The following CUX2 variants were observed in gnomAD, a reference collection of about 807,000 sequenced individuals.
CUX2 encodes the protein homeobox protein cut-like 2.
In CUX2, 40 loss-of-function variants were observed where a neutral mutation model predicts 144.8. That is an observed-to-expected ratio of 0.28 (90% CI 0.21 to 0.36). The LOEUF (loss-of-function observed/expected upper bound fraction) is 0.36. CUX2 is among the 10% of genes least tolerant of loss of function. The probability of loss-of-function intolerance (pLI) is 1.00; values close to 1 mark genes in which losing one functional copy is unlikely to be tolerated. For synonymous variants in CUX2, 827 were observed against 875.6 expected (o/e 0.94, Z 0.98); for missense variants, 1,615 against 1,994.0 (o/e 0.81, Z 3.62).
rs147389725 is a variant in CUX2, at chr12:111,322,321, CAAAAAAAAAAA to C, written c.2767-87_2767-77del. The C allele has an allele frequency of 1.3e-5, 10 of 758,272 alleles. No homozygotes were observed. The highest frequency in any genetic ancestry group is 1.8e-5 in the Non-Finnish European group (10 of 549,996). The allele number at this position is 758,272 out of a possible 1,614,324, so 47.0% of individuals were successfully genotyped here. On this transcript the variant is annotated intron_variant, in intron 17 of 21. Transcript: ENST00000261726. The surrounding 1 kb of genome is among the most constrained non-coding windows in gnomAD (Gnocchi z 4.2). Reference sequence around the variant, plus strand: ...CGACAGACAAAGCGAGACTCTGCCTCAAAAAAAAAAAAAAAAAAAAAAAGGTTGGGGAGGAG... The same window carrying C: ...CGACAGACAAAGCGAGACTCTGCCTCAAAAAAAAAAAAGGTTGGGGAGGAG...
At chr12:111,221,219 A>T (rs1881838837) in intron 3 of CUX2, among the ~76,000 whole-genome samples, 1 of 152,146 alleles carries the variant, frequency 6.6e-6, no homozygotes, top group Non-Finnish European at 1.5e-5. Context: ...ATTTGTCTGG[A>T]ATTTTATTCC....
chr12:111,173,314 G>C (rs535597895), intron 1 of CUX2, among the ~76,000 whole-genome samples: 45 of 152,218 alleles, frequency 3.0e-4, no homozygotes, highest in Admixed American at 7.9e-4. Context: ...AAATGGGGAC[G>C]GGGACAGGGT....
chr12:111,252,016 C>T (rs1052751816), intron 3 of CUX2, among the ~76,000 whole-genome samples: 4 of 151,920 alleles, frequency 2.6e-5, no homozygotes, highest in Non-Finnish European at 5.9e-5. Context: ...CCCACCTCTA[C>T]AAAAAAAGAA....
chr12:111,328,994 C>CCT (rs1555217423), intron 18 of CUX2, among the ~76,000 whole-genome samples: 1 of 79,270 alleles, frequency 1.3e-5, no homozygotes, highest in African/African-American at 6.3e-5. Context: ...TCCCTCTCTC[C>CCT]CTCTCCCTCT....
intron 1 of CUX2, among the ~76,000 whole-genome samples, chr12:111,198,104 G>A (rs1183853751): frequency 6.6e-6 from 1 of 152,074 alleles, no homozygotes; most frequent in Non-Finnish European, 1.5e-5. Flanking sequence ...ATATTCTTTA[G>A]TTATCAAAAT....
chr12:111,073,953 C>G (rs867153642), intron 1 of CUX2, among the ~76,000 whole-genome samples: 2 of 151,664 alleles, frequency 1.3e-5, no homozygotes, highest in Non-Finnish European at 2.9e-5. Flanking sequence ...GATACCTCAT[C>G]TCAGAGAAAA....
rs1228656616 is a variant in CUX2 at position 111,287,509 on chromosome 12, A to G, written c.302-3909A>G. ...GTAAATTAATTTGTTCGTGTTGTAC[A>G]AAGGCAGTGCAGATGGACTCATTAG... On this transcript the variant is annotated intron_variant, in intron 4 of 21. Coordinates refer to ENST00000261726, the MANE Select transcript of CUX2 (RefSeq NM_015267.4). The surrounding 1 kb of genome is among the most constrained non-coding windows in gnomAD (Gnocchi z 4.2). Among the ~76,000 whole-genome samples, 1 of 152,286 alleles carries G rather than the reference A, an allele frequency of 6.6e-6. No individual in the cohort carries two copies. The highest frequency in any genetic ancestry group is 1.5e-5 in the Non-Finnish European group (1 of 68,054).
rs1431061273 is a variant in CUX2, at chr12:111,296,548, G to A, written c.704+9G>A. On this transcript the variant is annotated intron_variant, in intron 8 of 21. Coordinates refer to ENST00000261726, the MANE Select transcript of CUX2 (RefSeq NM_015267.4). ...GAGGAGGCAGCATCCAAGTAAGTGAGCCCTGCTGAGGTGTACCTCCTCCCT... is the reference window on the plus strand; with the variant it reads ...GAGGAGGCAGCATCCAAGTAAGTGAACCCTGCTGAGGTGTACCTCCTCCCT... The A allele has an allele frequency of 6.2e-7, 1 of 1,608,702 alleles. No homozygotes were observed. The highest frequency in any genetic ancestry group is 1.3e-5 in the African/African-American group (1 of 74,896).
chr12:111,105,346 T>G (rs984908088), intron 1 of CUX2, among the ~76,000 whole-genome samples: 2 of 152,232 alleles, frequency 1.3e-5, no homozygotes, highest in Non-Finnish European at 2.9e-5. Flanking sequence ...TGCTGGTTGA[T>G]TTGATCACTG....
intron 1 of CUX2, among the ~76,000 whole-genome samples, chr12:111,164,031 G>C (rs1877960883): frequency 6.6e-6 from 1 of 152,178 alleles, no homozygotes; most frequent in Non-Finnish European, 1.5e-5. Context: ...AGGGCATAGG[G>C]TGAGTTAAAA....
At chr12:111,048,558 C>G in intron 1 of CUX2, among the ~76,000 whole-genome samples, 1 of 152,176 alleles carries the variant, frequency 6.6e-6, no homozygotes, top group East Asian at 1.9e-4. Flanking sequence ...GGCGCCTTCT[C>G]TCCTGGACAT....
chr12:111,083,403 G>A (rs180692450), intron 1 of CUX2, among the ~76,000 whole-genome samples: 278 of 152,264 alleles, frequency 1.8e-3, no homozygotes, highest in Non-Finnish European at 3.2e-3. Context: ...AAGGTCTAGG[G>A]CCTGATGGGT....
At chr12:111,317,967 T>G (rs1292534142) in intron 16 of CUX2, among the ~76,000 whole-genome samples, 3 of 152,060 alleles carry the variant, frequency 2.0e-5, no homozygotes, top group Non-Finnish European at 4.4e-5. Flanking sequence ...GCCACTGCAC[T>G]CCAGCCTGGG....
intron 1 of CUX2, 69 bp from the exon 2 acceptor site, chr12:111,214,131 A>C: frequency 9.5e-7 from 1 of 1,052,308 alleles, no homozygotes; most frequent in Non-Finnish European, 1.4e-6. Context: ...AGTGGTTAAA[A>C]AGGAAAAAAA....
intron 1 of CUX2, chr12:111,100,152 T>C (rs1163314189): frequency 2.1e-5 from 9 of 434,468 alleles, no homozygotes; most frequent in South Asian, 1.5e-4. Flanking sequence ...TTGAGAGGAC[T>C]TGGGGGATGT....
chr12:111,091,250 C>T (rs1458398930), intron 1 of CUX2, among the ~76,000 whole-genome samples: 1 of 152,214 alleles, frequency 6.6e-6, no homozygotes, highest in Non-Finnish European at 1.5e-5. Context: ...TTGGACTTGG[C>T]CCCAGGAGGT....
chr12:111,093,689 G>A (rs1015004091), intron 1 of CUX2, among the ~76,000 whole-genome samples: 1 of 152,200 alleles, frequency 6.6e-6, no homozygotes, highest in Admixed American at 6.5e-5. Context: ...CCAGTGGTTA[G>A]TTTGTGGGTG....
rs138449902 is a variant in CUX2 at position 111,086,587 on chromosome 12, A to G, written c.63+52347A>G. Among the ~76,000 whole-genome samples, 824 of 152,280 alleles carry G rather than the reference A, an allele frequency of 5.4e-3. 10 individuals carry two copies. The highest frequency in any genetic ancestry group is 0.019 in the African/African-American group (777 of 41,554). ...CTGGGTGCAGACAGGGAGAGGAAGA[A>G]GGCTCCTCTTTTAGGACATCAAATT... On this transcript the variant is annotated intron_variant, in intron 1 of 21. Transcript: ENST00000261726.
At position 111,320,373 on chromosome 12, in the gene CUX2, C is replaced by T; in HGVS notation, c.2364C>T (p.His788=). ...EIGDAGYFDH[H]WASDRGLLSR... is the part of the protein sequence containing the mutation. Reference sequence around the variant, plus strand: ...GCGACGCCGGCTACTTCGACCACCACTGGGCCTCCGACCGCGGCCTGCTCA... The same window carrying T: ...GCGACGCCGGCTACTTCGACCACCATTGGGCCTCCGACCGCGGCCTGCTCA... The change falls in exon 17 of 22, where the codon CAC becomes CAT. Residue 788 remains histidine (H), a synonymous_variant. Transcript: ENST00000261726. The surrounding 1 kb of genome is among the most constrained non-coding windows in gnomAD (Gnocchi z 8.1). 6.3e-7 allele frequency: 1 copy of T among 1,598,130 alleles called. No homozygotes were observed. The highest frequency in any genetic ancestry group is 8.5e-7 in the Non-Finnish European group (1 of 1,179,160).
Sources: allele counts gnomAD v4.1 joint callset (sites outside exome capture counted in the v4.1 genomes callset), GRCh38; gene constraint gnomAD v4.1.1; non-coding constraint Gnocchi (gnomAD v3.1); transcripts MANE v1.5; gene names NCBI Gene and HGNC (gene_info 2026-07-23, HGNC 2026-07-21).